Variants in RARB observed in about 807,000 individuals in gnomAD.
RARB encodes the protein HBV-activated protein.
Under a neutral mutation model 51.9 loss-of-function variants are expected in RARB, and 17 were observed. The observed-to-expected ratio is 0.33, with a 90% CI of 0.22 to 0.49. The LOEUF (loss-of-function observed/expected upper bound fraction) is 0.49, where lower values mean the gene tolerates loss of function less well. RARB is among the 20% of genes least tolerant of loss of function. RARB has a pLI of 0.99. For synonymous variants in RARB, 215 were observed against 195.4 expected, an observed-to-expected ratio of 1.10 and a Z score of -0.84; for missense variants, 369 against 550.8, an observed-to-expected ratio of 0.67 and a Z score of 3.30.
chr3:25,408,003 C>T (rs904980654), intron 5 of RARB, among the ~76,000 whole-genome samples: 2 of 152,160 alleles, frequency 1.3e-5, no homozygotes, highest in Admixed American at 1.3e-4. Context: ...TTATTGCCCC[C>T]ATCTCTTTAC....
chr3:25,578,299 G>T (rs578225706), intron 4 of RARB, among the ~76,000 whole-genome samples: 1 of 152,182 alleles, frequency 6.6e-6, no homozygotes. Context: ...TTTATTAACT[G>T]CCTCTTCCCT....
chr3:25,040,658 C>G (rs1256648566), intron 2 of RARB, among the ~76,000 whole-genome samples: 1 of 151,976 alleles, frequency 6.6e-6, no homozygotes, highest in African/African-American at 2.4e-5. Context: ...GAGACTGAGG[C>G]AGAAGAATTG....
chr3:25,164,197 G>T, intron 4 of RARB, among the ~76,000 whole-genome samples: 1 of 152,324 alleles, frequency 6.6e-6, no homozygotes, highest in East Asian at 1.9e-4. Flanking sequence ...GAAGGTAGTA[G>T]GGGTGGGTGT....
chr3:24,861,715 G>A (rs1369887726), intron 2 of RARB, among the ~76,000 whole-genome samples: 1 of 152,018 alleles, frequency 6.6e-6, no homozygotes, highest in Non-Finnish European at 1.5e-5. Flanking sequence ...TTGGGTTCAC[G>A]TATCTGCTTC....
At chr3:24,945,600 A>C (rs1322243654) in intron 2 of RARB, among the ~76,000 whole-genome samples, 1 of 152,200 alleles carries the variant, frequency 6.6e-6, no homozygotes, top group African/African-American at 2.4e-5. Context: ...AAGAAAGATG[A>C]CTTCTTTGAA....
At chr3:25,046,600 C>T (rs1336253606) in intron 2 of RARB, among the ~76,000 whole-genome samples, 1 of 151,952 alleles carries the variant, frequency 6.6e-6, no homozygotes, top group Non-Finnish European at 1.5e-5. Flanking sequence ...ATTGCAGGCA[C>T]ACACCACCAT....
intron 2 of RARB, among the ~76,000 whole-genome samples, chr3:25,465,505 C>G (rs1339877252): frequency 6.6e-6 from 1 of 152,172 alleles, no homozygotes; most frequent in African/African-American, 2.4e-5. Context: ...CCAGGATGAC[C>G]TAATTGACTA....
Position 25,537,583 on chromosome 3 carries a change from G to A in RARB, c.449-32175G>A, listed in dbSNP as rs143414085. Reference sequence around the variant, plus strand: ...CCTTGATTCCTAACCCCACATTGCCGTATCATGAAAATGCCTGTGGAATGA... The same window carrying A: ...CCTTGATTCCTAACCCCACATTGCCATATCATGAAAATGCCTGTGGAATGA... On this transcript the variant is annotated intron_variant, in intron 3 of 7. Coordinates refer to ENST00000330688, the MANE Select transcript of RARB (RefSeq NM_000965.5). Among the ~76,000 whole-genome samples, 877 of 152,236 alleles carry A rather than the reference G, an allele frequency of 5.8e-3. 6 individuals are homozygous for A. Among genetic ancestry groups the A allele is most frequent in the African/African-American group, 0.02 (836 of 41,542 alleles).
intron 5 of RARB, among the ~76,000 whole-genome samples, chr3:25,390,275 C>G (rs1706913376): frequency 6.6e-6 from 1 of 152,080 alleles, no homozygotes; most frequent in Non-Finnish European, 1.5e-5. Context: ...GGGAGGATTG[C>G]TTGACCCTGG....
At chr3:25,102,955 C>CAGG (rs1333393757) in intron 3 of RARB, among the ~76,000 whole-genome samples, 6 of 152,110 alleles carry the variant, frequency 3.9e-5, no homozygotes, top group African/African-American at 1.4e-4. Context: ...GGTAGATGAG[C>CAGG]AGGAGAATCA....
At chr3:25,256,430 G>C (rs1025468934) in intron 5 of RARB, among the ~76,000 whole-genome samples, 1 of 152,060 alleles carries the variant, frequency 6.6e-6, no homozygotes, top group Admixed American at 6.6e-5. Context: ...GAATGCAAGA[G>C]AAGCAATAAG....
intron 5 of RARB, among the ~76,000 whole-genome samples, chr3:25,192,921 C>T (rs1701140637): frequency 5.3e-5 from 8 of 152,032 alleles, no homozygotes; most frequent in Admixed American, 5.3e-4. Context: ...TTAGAATGTA[C>T]ATCTGTAAAT....
At position 25,439,451 on chromosome 3, in the gene RARB, G is replaced by A. The variant is rs145237695; in HGVS notation, c.157+10563G>A. On this transcript the variant is annotated intron_variant, in intron 1 of 7. Transcript: ENST00000330688. Reference sequence around the variant, plus strand: ...GACAGGGTCTCGCTCTGTTGCCCAGGCTGGAGTGCAGTGGTATGATCTCAG... The same window carrying A: ...GACAGGGTCTCGCTCTGTTGCCCAGACTGGAGTGCAGTGGTATGATCTCAG... Among the ~76,000 whole-genome samples, 118 of 152,176 alleles carry A rather than the reference G, an allele frequency of 7.8e-4. 1 individual carries two copies. The East Asian group carries it at 0.018, about 24-fold the overall frequency.
At chr3:24,952,010 A>T (rs1003614823) in intron 2 of RARB, among the ~76,000 whole-genome samples, 2 of 152,222 alleles carry the variant, frequency 1.3e-5, no homozygotes, top group Non-Finnish European at 2.9e-5. Flanking sequence ...TGATTATTGC[A>T]ATCTTTTACT....
intron 2 of RARB, among the ~76,000 whole-genome samples, chr3:24,939,752 T>A (rs1002969512): frequency 6.6e-6 from 1 of 152,242 alleles, no homozygotes; most frequent in Non-Finnish European, 1.5e-5. Context: ...TACACTCTTC[T>A]GGGCTTCCAT....
At chr3:24,952,422 T>C (rs1000084633) in intron 2 of RARB, among the ~76,000 whole-genome samples, 33 of 152,160 alleles carry the variant, frequency 2.2e-4, no homozygotes, top group Non-Finnish European at 4.0e-4. Context: ...AAAATTCTTT[T>C]CTAGGTTTTC....
At chr3:25,189,139 ATG>A (rs1184459225) in intron 5 of RARB, among the ~76,000 whole-genome samples, 1 of 152,124 alleles carries the variant, frequency 6.6e-6, no homozygotes, top group Admixed American at 6.6e-5. Context: ...ATGATTCTTT[ATG>A]TGTGTTTGTG....
At chr3:25,289,220 A>C (rs1173793634) in intron 5 of RARB, among the ~76,000 whole-genome samples, 1 of 152,168 alleles carries the variant, frequency 6.6e-6, no homozygotes, top group Non-Finnish European at 1.5e-5. Flanking sequence ...CTGTTTTTTC[A>C]TTCACCAAAA....
intron 5 of RARB, among the ~76,000 whole-genome samples, chr3:25,266,225 T>C (rs1466367970): frequency 6.6e-6 from 1 of 152,174 alleles, no homozygotes; most frequent in African/African-American, 2.4e-5. Context: ...AACACAATAT[T>C]AGGCTTTTAG....
Sources: allele counts gnomAD v4.1 joint callset (sites outside exome capture counted in the v4.1 genomes callset), GRCh38; gene constraint gnomAD v4.1.1; transcripts MANE v1.5; gene names NCBI Gene and HGNC (gene_info 2026-07-23, HGNC 2026-07-21).